Variants in GIMAP6 observed in about 807,000 individuals in gnomAD.
GIMAP6 encodes the protein GTPase, IMAP family member 6.
GIMAP6 carries 6 observed loss-of-function variants against 9.3 expected under a neutral mutation model. The observed-to-expected ratio is 0.65, with a 90% CI of 0.35 to 1.27. The LOEUF (loss-of-function observed/expected upper bound fraction) is 1.27, where lower values mean the gene tolerates loss of function less well. Among genes scored for constraint, GIMAP6 ranks in the 50% most tolerant of loss-of-function variants. The pLI is 0.03. For synonymous variants in GIMAP6, 156 were observed against 151.1 expected (o/e 1.03, Z -0.24); for missense variants, 333 against 359.5 (o/e 0.93, Z 0.60).
Position 150,630,144 on chromosome 7 carries a change from T to TAAAA in GIMAP6, c.1-3_1-2insTTTT. 2.3e-6 allele frequency: 2 copies of TAAAA among 855,420 alleles called. No individual in the cohort carries two copies. Among genetic ancestry groups the TAAAA allele is most frequent in the South Asian group, 2.6e-5 (1 of 39,038 alleles). The allele number at this position is 855,420 out of a possible 1,614,324, so 53.0% of individuals were successfully genotyped here. A position where few individuals can be genotyped will look rare whatever the true frequency, so the allele number is the denominator to read the frequency against. ...TTGTTCATATTCTTCTTCCTCCATC[T>TAAAA]ACAAAAAAAAAAAAAAAAAAAAAAT... On this transcript the variant is annotated splice_polypyrimidine_tract_variant and splice_region_variant and intron_variant, in intron 1 of 2. Coordinates refer to ENST00000328902, the MANE Select transcript of GIMAP6 (RefSeq NM_024711.6).
intron 1 of GIMAP6, 46 bp from the exon 2 acceptor site, chr7:150,630,188 T>A (rs762412132): frequency 6.8e-7 from 1 of 1,460,456 alleles, no homozygotes; most frequent in Admixed American, 2.3e-5. Context: ...CTACTGACTT[T>A]CCAAATGAGT....
In GIMAP6 at chr7:150,627,703, C is replaced by T. The variant is rs1474975750; in HGVS notation, c.*16G>A. On this transcript the variant is annotated 3_prime_UTR_variant, in exon 3 of 3. Coordinates refer to ENST00000328902, the MANE Select transcript of GIMAP6 (RefSeq NM_024711.6). ...GCAAAGGCTGATGGTGTCCTTGGCT[C>T]AAGTCCAGCACAGGCTCAAAGGTCA... 1 of 1,611,996 alleles carries T rather than the reference C, an allele frequency of 6.2e-7. No individual in the cohort carries two copies. The highest frequency in any genetic ancestry group is 8.5e-7 in the Non-Finnish European group (1 of 1,178,970).
rs1034705707 is a variant in GIMAP6 at position 150,625,633 on chromosome 7, C to T, written c.*2086G>A. On this transcript the variant is annotated 3_prime_UTR_variant, in exon 3 of 3. Transcript: ENST00000328902. Reference sequence around the variant, plus strand: ...TTAGAAATAAAATGGCCTTAATTAACTTATACTTGAACTACCAATTCCCTC... The same window carrying T: ...TTAGAAATAAAATGGCCTTAATTAATTTATACTTGAACTACCAATTCCCTC... 1 of 152,150 alleles carries T rather than the reference C, an allele frequency of 6.6e-6. No individual in the cohort carries two copies. Among genetic ancestry groups the T allele is most frequent in the Non-Finnish European group, 1.5e-5 (1 of 68,030 alleles). The allele number at this position is 152,150 out of a possible 1,614,324, so 9.4% of individuals were successfully genotyped here.
chr7:150,628,221 A>G lies in GIMAP6; in HGVS notation c.377T>C (p.Val126Ala). Reference protein sequence around the residue: ...IVLSAPGPHAVLLVTQLGRFT... With the variant: ...IVLSAPGPHAALLVTQLGRFT... ...CCGGCCCAGTTGTGTCACCAGGAGC[A>G]CGGCGTGGGGCCCTGGGGCGGATAA... The change falls in exon 3 of 3, where the codon GTG becomes GCG. Residue 126 changes from valine (V) to alanine (A), a missense_variant. Coordinates refer to ENST00000328902, the MANE Select transcript of GIMAP6 (RefSeq NM_024711.6). 3 of 1,614,160 alleles carry G rather than the reference A, an allele frequency of 1.9e-6. No homozygotes were observed. The highest frequency in any genetic ancestry group is 2.2e-5 in the East Asian group (1 of 44,880).
At position 150,627,450 on chromosome 7, in the gene GIMAP6, G is replaced by GC. The variant is rs61700460; in HGVS notation, c.*268dup. The GC allele has an allele frequency of 1, 534,452 of 534,456 alleles. 267,224 individuals carry two copies. The highest frequency in any genetic ancestry group is 1 in the Middle Eastern group (2,230 of 2,230). 33.1% of individuals were successfully genotyped at this position (534,456 alleles called of 1,614,324 possible). A position where few individuals can be genotyped will look rare whatever the true frequency, so the allele number is the denominator to read the frequency against. On this transcript the variant is annotated 3_prime_UTR_variant, in exon 3 of 3. Transcript: ENST00000328902. Reference sequence around the variant, plus strand: ...AGACAAGTAACTCATGAAAGGCAATGCAATGAGATAGAAGGTCCAATAGGA... The same window carrying GC: ...AGACAAGTAACTCATGAAAGGCAATGCCAATGAGATAGAAGGTCCAATAGGA...
At chr7:150,628,927 A>T in intron 2 of GIMAP6, 1 of 482,224 alleles carries the variant, frequency 2.1e-6, no homozygotes, top group Non-Finnish European at 3.6e-6. Context: ...ATCTCAGATG[A>T]CAAAGCATGA....
Position 150,627,219 on chromosome 7 carries a change from C to G in GIMAP6, c.*500G>C, listed in dbSNP as rs1379710753. ...CAACCCTCCCCATGTCTCAGCACCACTGCCATGTTCCAGCCACCAGACACA... is the reference window on the plus strand; with the variant it reads ...CAACCCTCCCCATGTCTCAGCACCAGTGCCATGTTCCAGCCACCAGACACA... On this transcript the variant is annotated 3_prime_UTR_variant, in exon 3 of 3. Coordinates refer to ENST00000328902, the MANE Select transcript of GIMAP6 (RefSeq NM_024711.6). The G allele has an allele frequency of 5.6e-6, 1 of 177,284 alleles. No homozygotes were observed. The highest frequency in any genetic ancestry group is 1.2e-5 in the Non-Finnish European group (1 of 83,776). 11.0% of individuals were successfully genotyped at this position (177,284 alleles called of 1,614,324 possible).
At chr7:150,631,485 C>G (rs1796390931) in intron 1 of GIMAP6, among the ~76,000 whole-genome samples, 1 of 152,208 alleles carries the variant, frequency 6.6e-6, no homozygotes, top group Admixed American at 6.5e-5. Context: ...TTCCTTACAT[C>G]CCTGGTGGAA....
chr7:150,631,458 A>T (rs1585184791), intron 1 of GIMAP6, among the ~76,000 whole-genome samples: 3 of 152,304 alleles, frequency 2.0e-5, no homozygotes, highest in Admixed American at 2.0e-4. Flanking sequence ...TGGCCTCTCA[A>T]TCTCTTTGTC....
At chr7:150,631,570 A>G (rs1796392158) in intron 1 of GIMAP6, among the ~76,000 whole-genome samples, 1 of 152,172 alleles carries the variant, frequency 6.6e-6, no homozygotes, top group Admixed American at 6.5e-5. Context: ...ACAGGAAACA[A>G]CAGCCGGGTG....
At position 150,628,683 on chromosome 7, in the gene GIMAP6, A is replaced by G. The variant is rs752595709; in HGVS notation, c.86-171T>C. 34 of 1,555,656 alleles carry G rather than the reference A, an allele frequency of 2.2e-5. No homozygotes were observed. In the African/African-American group the frequency reaches 4.2e-4, roughly 19 times the overall value. On this transcript the variant is annotated intron_variant, in intron 2 of 2. Coordinates refer to ENST00000328902, the MANE Select transcript of GIMAP6 (RefSeq NM_024711.6). The stretch of plus-strand genomic sequence containing the variant: ...CACCATTCTGGGCCCACATCCTTGA[A>G]GGTGGGGCTGAACGTTCTCTCCCAG...
rs953879149 is a variant in GIMAP6 at position 150,626,080 on chromosome 7, G to T, written c.*1639C>A. 6.6e-6 allele frequency: 1 copy of T among 152,252 alleles called. No individual in the cohort carries two copies. The highest frequency in any genetic ancestry group is 2.4e-5 in the African/African-American group (1 of 41,470). The allele number at this position is 152,252 out of a possible 1,614,324, so 9.4% of individuals were successfully genotyped here. ...CACTTTTCTGAATCTGTTAGCAAGA[G>T]AAATGCTGAAGCTTTCTCAGATGTC... On this transcript the variant is annotated 3_prime_UTR_variant, in exon 3 of 3. Transcript: ENST00000328902.
At position 150,628,076 on chromosome 7, in the gene GIMAP6, T is replaced by A; in HGVS notation, c.522A>T (p.Glu174Asp). 1 of 1,614,164 alleles carries A rather than the reference T, an allele frequency of 6.2e-7. No homozygotes were observed. Among genetic ancestry groups the A allele is most frequent in the Non-Finnish European group, 8.5e-7 (1 of 1,180,012 alleles). The change falls in exon 3 of 3, where the codon GAA becomes GAT. Residue 174 changes from glutamate (E) to aspartate (D), a missense_variant. Coordinates refer to ENST00000328902, the MANE Select transcript of GIMAP6 (RefSeq NM_024711.6). ...RKEDLAGGSL[E>D]DYVRETNNQA... is the part of the protein sequence containing the mutation. ...GGTTGTTGGTCTCTCGCACATAGTCTTCCAGGGAGCCGCCAGCCAGGTCTT... is the reference window on the plus strand; with the variant it reads ...GGTTGTTGGTCTCTCGCACATAGTCATCCAGGGAGCCGCCAGCCAGGTCTT...
chr7:150,627,951 A>C lies in GIMAP6; in HGVS notation c.647T>G (p.Met216Arg). ...CCACATAATGGCTTCAACTTTCTCC[A>C]TGAGCTCTCGCAGTTGGGCCTCCTG... ...EEQEAQLREL[M>R]EKVEAIMWEN... Residue 216 changes from methionine (M) to arginine (R), a missense_variant, in exon 3 of 3, where the codon ATG (methionine) becomes AGG (arginine). Met to Arg is a moderately conservative substitution (Grantham distance 91). Transcript: ENST00000328902. 6.2e-7 allele frequency: 1 copy of C among 1,614,210 alleles called. No homozygotes were observed.
intron 1 of GIMAP6, among the ~76,000 whole-genome samples, chr7:150,631,251 G>A (rs1796387695): frequency 6.6e-6 from 1 of 152,202 alleles, no homozygotes. Context: ...TATATATGCG[G>A]ATATTGCTTT....
intron 1 of GIMAP6, among the ~76,000 whole-genome samples, chr7:150,631,118 G>T (rs755373502): frequency 6.6e-6 from 1 of 152,162 alleles, no homozygotes; most frequent in Non-Finnish European, 1.5e-5. Context: ...AAGGGTCTGG[G>T]GTGTGGGGAA....
Position 150,627,203 on chromosome 7 carries a change from C to G in GIMAP6, c.*516G>C, listed in dbSNP as rs538707568. ...CTCCCCACCCAGTCTCCAACCCTCC[C>G]CATGTCTCAGCACCACTGCCATGTT... On this transcript the variant is annotated 3_prime_UTR_variant, in exon 3 of 3. Transcript: ENST00000328902. 1 of 169,912 alleles carries G rather than the reference C, an allele frequency of 5.9e-6. No individual in the cohort carries two copies. The highest frequency in any genetic ancestry group is 1.5e-4 in the South Asian group (1 of 6,728). 10.5% of individuals were successfully genotyped at this position (169,912 alleles called of 1,614,324 possible). A position where few individuals can be genotyped will look rare whatever the true frequency, so the allele number is the denominator to read the frequency against.
At chr7:150,632,025 TAC>T (rs919861874) in intron 1 of GIMAP6, 142 bp downstream of exon 1, 2 of 151,402 alleles carry the variant, frequency 1.3e-5, no homozygotes, top group Non-Finnish European at 2.9e-5. Context: ...AACACTCACA[TAC>T]ACACACAACA....
At chr7:150,630,879 C>G (rs982603460) in intron 1 of GIMAP6, among the ~76,000 whole-genome samples, 1 of 152,220 alleles carries the variant, frequency 6.6e-6, no homozygotes, top group African/African-American at 2.4e-5. Context: ...AATTCTTAGT[C>G]CTTTTTGCAA....
Sources: gnomAD v4.1 joint callset for allele counts (sites outside exome capture counted in the v4.1 genomes callset) on GRCh38, gnomAD v4.1.1 for gene constraint, MANE v1.5 for transcripts, NCBI Gene and HGNC (gene_info 2026-07-23, HGNC 2026-07-21) for gene names.